The following MAML2 variants were observed in gnomAD, a reference collection of about 807,000 sequenced individuals.
MAML2 encodes the protein mastermind like transcriptional coactivator 2, also known as mastermind-like protein 2.
In MAML2, 22 loss-of-function variants were observed where a neutral mutation model predicts 96.1. The observed-to-expected ratio is 0.23, with a 90% CI of 0.16 to 0.33. The LOEUF is 0.33. Ranked by LOEUF, MAML2 falls within the 10% of genes least tolerant of loss-of-function variation. MAML2 has a pLI of 1.00. For missense variants in MAML2, 1,367 were observed against 1,392.4 expected, an observed-to-expected ratio of 0.98 and a Z score of 0.29; for synonymous variants, 561 against 521.3, an observed-to-expected ratio of 1.08 and a Z score of -1.04.
intron 2 of MAML2, among the ~76,000 whole-genome samples, chr11:96,028,722 GAA>G (rs1056702735): frequency 2.6e-5 from 4 of 152,024 alleles, no homozygotes; most frequent in African/African-American, 9.7e-5. Context: ...GGAGAAAGGA[GAA>G]AAAAAGAAAA....
At chr11:96,164,403 G>T (rs1450964226) in intron 1 of MAML2, among the ~76,000 whole-genome samples, 1 of 152,196 alleles carries the variant, frequency 6.6e-6, no homozygotes, top group East Asian at 1.9e-4. Context: ...CTAGTTACAA[G>T]GAACCTGGGC....
At chr11:96,205,686 G>T (rs1038079628) in intron 1 of MAML2, among the ~76,000 whole-genome samples, 1 of 152,178 alleles carries the variant, frequency 6.6e-6, no homozygotes, top group African/African-American at 2.4e-5. Flanking sequence ...CCCAAATGTC[G>T]CTGCTTCTGA....
intron 1 of MAML2, among the ~76,000 whole-genome samples, chr11:96,332,981 G>A (rs948979305): frequency 6.6e-6 from 1 of 152,120 alleles, no homozygotes; most frequent in African/African-American, 2.4e-5. Context: ...GGTTGTAGCC[G>A]ACTTTTGCCT....
At chr11:96,038,279 T>C (rs1858751042) in intron 2 of MAML2, among the ~76,000 whole-genome samples, 1 of 152,236 alleles carries the variant, frequency 6.6e-6, no homozygotes, top group South Asian at 2.1e-4. Context: ...TAGCAACACC[T>C]GTATTATATC....
intron 2 of MAML2, among the ~76,000 whole-genome samples, chr11:96,089,693 A>G (rs940165736): frequency 5.9e-5 from 9 of 152,184 alleles, no homozygotes; most frequent in African/African-American, 9.7e-5. Flanking sequence ...AAACTCAGCC[A>G]CATGATTTTG....
chr11:96,093,349 T>C lies in MAML2; in HGVS notation c.682A>G (p.Ile228Val). 1 of 1,614,030 alleles carries C rather than the reference T, an allele frequency of 6.2e-7. No individual in the cohort carries two copies. The highest frequency in any genetic ancestry group is 1.1e-5 in the South Asian group (1 of 91,086). The change falls in exon 2 of 5, where the codon ATT becomes GTT. Residue 228 changes from isoleucine (I) to valine (V), a missense_variant. By Grantham distance (29) the Ile-to-Val change is conservative. Transcript: ENST00000524717. ...CTCATAGGCAAGGTCCCTGACATAA[T>C]CTGACTTTGTCCATTGTTTATTTGG... ...GLQINNGQSQ[I>V]MSGTLPMSQA...
intron 1 of MAML2, 49 bp downstream of exon 1, chr11:96,341,334 A>G: frequency 6.8e-7 from 1 of 1,472,824 alleles, no homozygotes; most frequent in South Asian, 1.4e-5. Context: ...CTACCCTCAC[A>G]AAAGGTCACA....
At chr11:96,224,921 T>A (rs936740235) in intron 1 of MAML2, among the ~76,000 whole-genome samples, 15 of 152,266 alleles carry the variant, frequency 9.9e-5, no homozygotes, top group Non-Finnish European at 2.9e-5. Context: ...ATTTATACTT[T>A]AAGACAGTTA....
intron 1 of MAML2, among the ~76,000 whole-genome samples, chr11:96,171,580 T>C (rs576119050): frequency 2.0e-5 from 3 of 152,338 alleles, no homozygotes; most frequent in Admixed American, 2.0e-4. Flanking sequence ...AGGACAGTGT[T>C]CCTTCTGGTT....
intron 1 of MAML2, among the ~76,000 whole-genome samples, chr11:96,282,185 C>A (rs1488691311): frequency 6.6e-6 from 1 of 150,646 alleles, no homozygotes. Context: ...GGAGACGGAG[C>A]TTTTAGTGAG....
intron 2 of MAML2, among the ~76,000 whole-genome samples, chr11:96,036,232 G>A (rs1006681566): frequency 7.2e-5 from 11 of 151,968 alleles, no homozygotes; most frequent in African/African-American, 1.9e-4. Context: ...ACATACAAAC[G>A]GACATAATCA....
chr11:96,141,056 AC>A (rs1860722670), intron 1 of MAML2, among the ~76,000 whole-genome samples: 1 of 152,172 alleles, frequency 6.6e-6, no homozygotes, highest in Admixed American at 6.5e-5. Context: ...GCCTGTCTTT[AC>A]CATACTGTTG....
intron 1 of MAML2, among the ~76,000 whole-genome samples, chr11:96,251,620 C>T (rs934213471): frequency 2.0e-5 from 3 of 152,084 alleles, no homozygotes; most frequent in African/African-American, 7.2e-5. Flanking sequence ...GAATAATAAG[C>T]AGTGATTATC....
chr11:96,184,748 CCTGT>C (rs1861546809), intron 1 of MAML2, among the ~76,000 whole-genome samples: 1 of 151,902 alleles, frequency 6.6e-6, no homozygotes, highest in Non-Finnish European at 1.5e-5. Flanking sequence ...CACCGCCACA[CCTGT>C]CTAATTTTTT....
At chr11:95,982,836 G>C (rs1158900047) in intron 4 of MAML2, among the ~76,000 whole-genome samples, 3 of 152,130 alleles carry the variant, frequency 2.0e-5, no homozygotes, top group Non-Finnish European at 4.4e-5. Flanking sequence ...TCCTATGGCT[G>C]TATTTTAGAG....
rs1857915787 is a variant in MAML2, at chr11:95,991,706, T to A, written c.2157A>T (p.Val719=). 1 of 1,613,324 alleles carries A rather than the reference T, an allele frequency of 6.2e-7. No homozygotes were observed. Among genetic ancestry groups the A allele is most frequent in the Admixed American group, 1.7e-5 (1 of 59,960 alleles). The part of the protein sequence containing the change: ...QQQRQDQHSV[V]GQNTGPSPSP... The stretch of plus-strand genomic sequence containing the variant: ...TTGGACTGGGGCCTGTGTTCTGGCC[T>A]ACCACAGAGTGTTGATCCTAAAGAA... Residue 719 remains valine (V), a synonymous_variant, in exon 3 of 5, where the codon GTA becomes GTT. Coordinates refer to ENST00000524717, the MANE Select transcript of MAML2 (RefSeq NM_032427.4).
rs561712141 is a variant in MAML2 at position 96,057,229 on chromosome 11, C to G, written c.2139+34663G>C. On this transcript the variant is annotated intron_variant, in intron 2 of 4. Coordinates refer to ENST00000524717, the MANE Select transcript of MAML2 (RefSeq NM_032427.4). ...GTGCATCCTTTCTGTTTCTCTGACTCTCAAATTTATTCTCTTTGAAGTGAG... is the reference window on the plus strand; with the variant it reads ...GTGCATCCTTTCTGTTTCTCTGACTGTCAAATTTATTCTCTTTGAAGTGAG... 7.6e-4 allele frequency among the ~76,000 whole-genome samples: 115 copies of G among 152,316 alleles called. 1 individual carries two copies. The highest frequency in any genetic ancestry group is 2.7e-3 in the African/African-American group (111 of 41,560).
chr11:96,118,211 T>G (rs188339944), intron 1 of MAML2, among the ~76,000 whole-genome samples: 4 of 152,284 alleles, frequency 2.6e-5, no homozygotes, highest in Admixed American at 2.6e-4. Flanking sequence ...ACGAAAAGAC[T>G]GTCTTTTTCA....
chr11:96,176,661 A>T (rs1185899709), intron 1 of MAML2, among the ~76,000 whole-genome samples: 1 of 152,080 alleles, frequency 6.6e-6, no homozygotes, highest in Admixed American at 6.5e-5. Context: ...GTTGTAACTG[A>T]ACCATGTCTG....
Sources: allele counts gnomAD v4.1 joint callset (sites outside exome capture counted in the v4.1 genomes callset), GRCh38; gene constraint gnomAD v4.1.1; transcripts MANE v1.5; gene names NCBI Gene and HGNC (gene_info 2026-07-23, HGNC 2026-07-21).